Variants in TIAM1 observed in about 807,000 individuals in gnomAD.
The protein encoded by TIAM1 is TIAM Rac1 associated GEF 1, also known as rho guanine nucleotide exchange factor TIAM1.
TIAM1 carries 65 observed loss-of-function variants against 163.5 expected under a neutral mutation model. The observed-to-expected ratio is 0.40, with a 90% confidence interval of 0.33 to 0.49. The LOEUF (loss-of-function observed/expected upper bound fraction) is 0.49. Among genes scored for constraint, TIAM1 ranks in the 20% least tolerant of loss-of-function variants. TIAM1 has a pLI of 0.77. For missense variants in TIAM1, 1,789 were observed against 2,044.7 expected (o/e 0.87, Z 2.41); for synonymous variants, 833 against 810.1 (o/e 1.03, Z -0.48).
intron 2 of TIAM1, among the ~76,000 whole-genome samples, chr21:31,281,778 G>T (rs2073578414): frequency 6.6e-6 from 1 of 151,984 alleles, no homozygotes. Context: ...GTGGTGGATG[G>T]AGATAGAGAT....
intron 2 of TIAM1, among the ~76,000 whole-genome samples, chr21:31,455,685 T>C (rs2045071184): frequency 6.6e-6 from 1 of 152,184 alleles, no homozygotes; most frequent in African/African-American, 2.4e-5. Flanking sequence ...GACCACCAGA[T>C]GGGAAGCGCT....
At chr21:31,412,497 C>T (rs759388007) in intron 2 of TIAM1, among the ~76,000 whole-genome samples, 6 of 151,674 alleles carry the variant, frequency 4.0e-5, no homozygotes, top group Non-Finnish European at 8.8e-5. Flanking sequence ...ATAAGGTGCA[C>T]GAAGCCAGGC....
At position 31,406,939 on chromosome 21, in the gene TIAM1, C is replaced by T. The variant is rs564344705; in HGVS notation, c.-369+57044G>A. 2.0e-5 allele frequency among the ~76,000 whole-genome samples: 3 copies of T among 152,316 alleles called. No individual in the cohort carries two copies. In the South Asian group the frequency reaches 6.2e-4, roughly 32 times the overall value. On this transcript the variant is annotated intron_variant, in intron 2 of 28. Coordinates refer to the TIAM1 transcript ENST00000286827. The stretch of plus-strand genomic sequence containing the variant: ...AGACATACCAATAACACTGCAACTA[C>T]TGGCCAAAACCATTCTCCTCCCTTC...
At chr21:31,455,109 G>A (rs1384675063) in intron 2 of TIAM1, among the ~76,000 whole-genome samples, 1 of 151,818 alleles carries the variant, frequency 6.6e-6, no homozygotes, top group Non-Finnish European at 1.5e-5. Context: ...GGAGAAACCC[G>A]TTTCTACTAA....
chr21:31,210,534 A>AAAAGAAAG (rs1214068044), intron 10 of TIAM1, among the ~76,000 whole-genome samples: 6,231 of 55,468 alleles, frequency 0.11, 650 homozygotes, highest in Non-Finnish European at 0.14. Flanking sequence ...GGAAGGAAGG[A>AAAAGAAAG]AAAGAAAGAA....
At chr21:31,173,115 T>A (rs530388214) in intron 15 of TIAM1, among the ~76,000 whole-genome samples, 4 of 152,094 alleles carry the variant, frequency 2.6e-5, no homozygotes, top group Non-Finnish European at 5.9e-5. Context: ...ATTACACACA[T>A]CTACTTTGGT....
At chr21:31,466,985 A>C (rs1333723627) in intron 1 of TIAM1, among the ~76,000 whole-genome samples, 1 of 152,104 alleles carries the variant, frequency 6.6e-6, no homozygotes, top group Admixed American at 6.6e-5. Flanking sequence ...AAAAAAAAAA[A>C]AACTGAAACT....
intron 15 of TIAM1, among the ~76,000 whole-genome samples, chr21:31,167,978 A>G (rs549004110): frequency 7.2e-5 from 11 of 152,288 alleles, no homozygotes; most frequent in African/African-American, 2.6e-4. Context: ...CATAGACTAA[A>G]AGAGAAAAGT....
At chr21:31,223,664 C>G in intron 7 of TIAM1, 73 bp from the exon 8 acceptor site, 1 of 1,438,876 alleles carries the variant, frequency 6.9e-7, no homozygotes, top group South Asian at 1.4e-5. Flanking sequence ...TTATCCTATA[C>G]AGATCTATAT....
rs2076374883 is a variant in TIAM1 at position 31,359,802 on chromosome 21, GAA to G, written c.-368-20382_-368-20381del. On this transcript the variant is annotated intron_variant, in intron 2 of 28. Coordinates refer to the TIAM1 transcript ENST00000286827. ...AACTCTGTCAAAAGAGAAAAAGAAA[GAA>G]AAAGGAAGGAAGGAAGGAAGGAAGG... 1.1e-4 allele frequency among the ~76,000 whole-genome samples: 10 copies of G among 92,684 alleles called. No individual in the cohort carries two copies. In the Admixed American group the frequency reaches 1.1e-3, roughly 11 times the overall value. 60.8% of individuals were successfully genotyped at this position (92,684 alleles called of 152,430 possible). A position where few individuals can be genotyped will look rare whatever the true frequency, so the allele number is the denominator to read the frequency against.
chr21:31,329,642 G>A (rs2075612456), intron 2 of TIAM1, among the ~76,000 whole-genome samples: 1 of 152,210 alleles, frequency 6.6e-6, no homozygotes, highest in African/African-American at 2.4e-5. Flanking sequence ...ACAGGAACAT[G>A]AAGTCAGTGC....
intron 1 of TIAM1, among the ~76,000 whole-genome samples, chr21:31,542,912 G>C (rs1309920027): frequency 6.6e-6 from 1 of 152,116 alleles, no homozygotes; most frequent in Non-Finnish European, 1.5e-5. Flanking sequence ...AGGTTGCAGT[G>C]AGCCGAGACT....
intron 25 of TIAM1, 66 bp downstream of exon 25, chr21:31,130,147 A>T (rs2082354945): frequency 6.9e-7 from 1 of 1,439,762 alleles, no homozygotes; most frequent in Admixed American, 1.8e-5. Flanking sequence ...GTGTGGATTC[A>T]AACAAATAAT....
chr21:31,138,391 T>C (rs190799991), intron 22 of TIAM1, among the ~76,000 whole-genome samples: 1 of 152,358 alleles, frequency 6.6e-6, no homozygotes, highest in East Asian at 1.9e-4. Context: ...CTTGTGTTCC[T>C]AGAATGTTAC....
rs576672057 is a variant in TIAM1, at chr21:31,409,727, G to A, written c.-369+54256C>T. Among the ~76,000 whole-genome samples, 361 of 152,028 alleles carry A rather than the reference G, an allele frequency of 2.4e-3. 1 individual carries two copies. The highest frequency in any genetic ancestry group is 0.01 in the Middle Eastern group (3 of 294). On this transcript the variant is annotated intron_variant, in intron 2 of 28. Coordinates refer to the TIAM1 transcript ENST00000286827. ...CTCCATCTCTCCTCCAGTGCCTTGC[G>A]GCCTTCTCTGGGCTGGAGGAAAAAA...
chr21:31,525,685 T>G (rs925100867), intron 1 of TIAM1, among the ~76,000 whole-genome samples: 1 of 152,094 alleles, frequency 6.6e-6, no homozygotes, highest in African/African-American at 2.4e-5. Flanking sequence ...TATTAACCCC[T>G]GTACCAGGGA....
intron 15 of TIAM1, among the ~76,000 whole-genome samples, chr21:31,173,842 AG>A (rs1250339348): frequency 6.6e-6 from 1 of 152,182 alleles, no homozygotes; most frequent in Non-Finnish European, 1.5e-5. Context: ...ATCAAAATAG[AG>A]CATCTCAGTC....
chr21:31,336,041 G>C (rs1164960880), intron 2 of TIAM1, among the ~76,000 whole-genome samples: 1 of 152,204 alleles, frequency 6.6e-6, no homozygotes, highest in African/African-American at 2.4e-5. Flanking sequence ...CTCAATGTTT[G>C]CATCTTCCTT....
At chr21:31,162,305 C>T (rs1384151817) in intron 16 of TIAM1, among the ~76,000 whole-genome samples, 3 of 152,090 alleles carry the variant, frequency 2.0e-5, no homozygotes, top group Admixed American at 1.3e-4. Context: ...ATATACAAGA[C>T]CTTAAATAAG....
Sources: allele counts gnomAD v4.1 joint callset (sites outside exome capture counted in the v4.1 genomes callset), GRCh38; gene constraint gnomAD v4.1.1; transcripts MANE v1.5; gene names NCBI Gene and HGNC (gene_info 2026-07-23, HGNC 2026-07-21).